DGKB: variants seen among roughly 807,000 people sequenced by gnomAD.
The protein encoded by DGKB is diacylglycerol kinase beta, also known as 90 kDa diacylglycerol kinase.
A neutral mutation model predicts 114.3 loss-of-function variants in DGKB; 67 were observed. That is an observed-to-expected ratio of 0.59 (90% CI 0.48 to 0.72). DGKB has a LOEUF of 0.72. Ranked by LOEUF, DGKB falls within the 30% of genes least tolerant of loss-of-function variation. DGKB has a pLI of 0.00. For missense variants in DGKB, 907 were observed against 975.2 expected (o/e 0.93, Z 0.93); for synonymous variants, 398 against 323.1 (o/e 1.23, Z -2.49).
chr7:14,281,679 A>G (rs1261974304), intron 23 of DGKB, among the ~76,000 whole-genome samples: 1 of 151,800 alleles, frequency 6.6e-6, no homozygotes, highest in Non-Finnish European at 1.5e-5. Flanking sequence ...CCACAGTGCA[A>G]TCAAACTAGA....
At chr7:14,405,230 TGTCA>T (rs1245871889) in intron 21 of DGKB, among the ~76,000 whole-genome samples, 1 of 151,992 alleles carries the variant, frequency 6.6e-6, no homozygotes, top group Non-Finnish European at 1.5e-5. Context: ...TACATAACCT[TGTCA>T]GTATCATTCT....
Position 14,368,384 on chromosome 7 carries a change from A to AT in DGKB, c.1836-22994dup, listed in dbSNP as rs371886320. 6.0e-3 allele frequency among the ~76,000 whole-genome samples: 910 copies of AT among 152,190 alleles called. 6 individuals are homozygous for AT. The highest frequency in any genetic ancestry group is 0.017 in the Middle Eastern group (5 of 294). On this transcript the variant is annotated intron_variant, in intron 21 of 25. Transcript: ENST00000402815. ...CTCTGTGTTCCACCAACTCATCCAG[A>AT]TTTTTTTAGGGTGATTTTATGAATC...
At chr7:14,498,700 T>C (rs1156636140) in intron 20 of DGKB, among the ~76,000 whole-genome samples, 1 of 151,762 alleles carries the variant, frequency 6.6e-6, no homozygotes, top group Non-Finnish European at 1.5e-5. Context: ...AGTACACTTT[T>C]TGTTAGGAAG....
intron 23 of DGKB, among the ~76,000 whole-genome samples, chr7:14,316,439 T>A (rs1171220015): frequency 7.7e-6 from 1 of 130,274 alleles, no homozygotes; most frequent in Non-Finnish European, 1.6e-5. Flanking sequence ...CAATAAAAAA[T>A]GATAAAGGGG....
intron 2 of DGKB, among the ~76,000 whole-genome samples, chr7:14,768,334 T>C (rs1481971115): frequency 6.6e-6 from 1 of 151,984 alleles, no homozygotes; most frequent in Non-Finnish European, 1.5e-5. Flanking sequence ...ATCTTGGCTC[T>C]TAGATGATCT....
intron 23 of DGKB, among the ~76,000 whole-genome samples, chr7:14,194,786 C>T (rs926837279): frequency 6.6e-6 from 1 of 152,034 alleles, no homozygotes. Context: ...TTGAAAACAA[C>T]CAGCCGGAGC....
chr7:14,681,331 T>C (rs553030723), intron 12 of DGKB, among the ~76,000 whole-genome samples: 26 of 152,154 alleles, frequency 1.7e-4, no homozygotes, highest in Admixed American at 1.6e-3. Context: ...CTGAAAATGA[T>C]TGCAGAAAAT....
At chr7:14,584,680 T>C (rs555087913) in intron 17 of DGKB, among the ~76,000 whole-genome samples, 185 of 151,980 alleles carry the variant, frequency 1.2e-3, no homozygotes, top group African/African-American at 4.4e-3. Flanking sequence ...TTTTTTGAGA[T>C]GGAGTTTCAC....
chr7:14,150,886 C>CCTA (rs1782093066), intron 25 of DGKB, among the ~76,000 whole-genome samples: 1 of 151,904 alleles, frequency 6.6e-6, no homozygotes, highest in South Asian at 2.1e-4. Flanking sequence ...TTGTTCAGCC[C>CCTA]CTACTATGCT....
intron 21 of DGKB, among the ~76,000 whole-genome samples, chr7:14,471,185 A>C (rs1267965468): frequency 8.7e-6 from 1 of 114,360 alleles, no homozygotes; most frequent in African/African-American, 3.2e-5. Context: ...ATATGTATAT[A>C]TACATATATG....
intron 2 of DGKB, among the ~76,000 whole-genome samples, chr7:14,838,164 T>A (rs1051888585): frequency 3.9e-5 from 6 of 152,196 alleles, no homozygotes; most frequent in African/African-American, 1.4e-4. Context: ...ATTTGTGTAT[T>A]CTTATGATAT....
intron 2 of DGKB, among the ~76,000 whole-genome samples, chr7:14,797,562 C>T (rs1232783696): frequency 6.6e-6 from 1 of 152,020 alleles, no homozygotes; most frequent in Non-Finnish European, 1.5e-5. Flanking sequence ...TTTTCAGAGG[C>T]TCTCCTTGTC....
At chr7:14,932,867 A>G (rs1451916707) in intron 1 of DGKB, among the ~76,000 whole-genome samples, 1 of 152,190 alleles carries the variant, frequency 6.6e-6, no homozygotes, top group African/African-American at 2.4e-5. Flanking sequence ...GGGAAAAAAG[A>G]GGCAGTGAGT....
At chr7:14,493,959 C>T (rs1784949945) in intron 20 of DGKB, among the ~76,000 whole-genome samples, 1 of 146,856 alleles carries the variant, frequency 6.8e-6, no homozygotes, top group African/African-American at 2.5e-5. Context: ...CACACACACA[C>T]ACATCTATGT....
At chr7:14,347,857 C>T (rs1172228989) in intron 21 of DGKB, among the ~76,000 whole-genome samples, 1 of 151,962 alleles carries the variant, frequency 6.6e-6, no homozygotes, top group African/African-American at 2.4e-5. Flanking sequence ...TATATGAAAA[C>T]ATAATGTTGC....
intron 2 of DGKB, among the ~76,000 whole-genome samples, chr7:14,795,453 T>C (rs1386580646): frequency 6.6e-6 from 1 of 152,182 alleles, no homozygotes; most frequent in Non-Finnish European, 1.5e-5. Context: ...AGATTTGTCA[T>C]TTAAGGCCTA....
chr7:14,153,305 TA>T (rs1782501210), intron 25 of DGKB, among the ~76,000 whole-genome samples: 1 of 152,122 alleles, frequency 6.6e-6, no homozygotes, highest in Non-Finnish European at 1.5e-5. Flanking sequence ...ATCCTTTCCA[TA>T]AGCATTTATT....
intron 23 of DGKB, among the ~76,000 whole-genome samples, chr7:14,181,210 A>G (rs937915137): frequency 6.6e-6 from 1 of 152,190 alleles, no homozygotes; most frequent in Non-Finnish European, 1.5e-5. Flanking sequence ...TAGAGACCAT[A>G]TGGTCGACAA....
chr7:14,329,251 CT>C (rs1809285578), intron 23 of DGKB, among the ~76,000 whole-genome samples: 1 of 151,780 alleles, frequency 6.6e-6, no homozygotes, highest in Admixed American at 6.6e-5. Context: ...CTGGACCCTC[CT>C]AGCACCCTTC....
Sources: allele counts gnomAD v4.1 joint callset (sites outside exome capture counted in the v4.1 genomes callset), GRCh38; gene constraint gnomAD v4.1.1; transcripts MANE v1.5; gene names NCBI Gene and HGNC (gene_info 2026-07-23, HGNC 2026-07-21).